The following ANO4 variants were observed in gnomAD, a reference collection of about 807,000 sequenced individuals.
ANO4 encodes the protein anoctamin 4, also known as anoctamin-4.
A neutral mutation model predicts 141.9 loss-of-function variants in ANO4; 69 were observed. That is an observed-to-expected ratio of 0.49 (90% CI 0.40 to 0.59). ANO4 has a LOEUF of 0.59. ANO4 is among the 20% of genes least tolerant of loss of function. The probability of loss-of-function intolerance (pLI) is 0.00; values close to 1 mark genes in which losing one functional copy is unlikely to be tolerated. For missense variants in ANO4, 894 were observed against 1,162.2 expected (o/e 0.77, Z 3.36); for synonymous variants, 350 against 394.3 (o/e 0.89, Z 1.33).
chr12:100,763,455 G>T (rs570485672), intron 3 of ANO4, among the ~76,000 whole-genome samples: 1 of 152,206 alleles, frequency 6.6e-6, no homozygotes, highest in Admixed American at 6.5e-5. Flanking sequence ...ACTCCAGAGG[G>T]TATTTGATAC....
chr12:100,961,281 G>T lies in ANO4; in HGVS notation c.457-10025G>T, dbSNP rs553051112. 5.3e-5 allele frequency among the ~76,000 whole-genome samples: 8 copies of T among 152,310 alleles called. No individual in the cohort carries two copies. In the South Asian group the frequency reaches 1.5e-3, roughly 28 times the overall value. ...CTTTTCATAATAGATCTAAGAAGGT[G>T]ATGGAAGAAGGTTGTCTATATCAGG... On this transcript the variant is annotated intron_variant, in intron 5 of 27. Transcript: ENST00000392977.
chr12:100,965,287 G>A (rs2136247214), intron 5 of ANO4, among the ~76,000 whole-genome samples: 1 of 151,876 alleles, frequency 6.6e-6, no homozygotes, highest in East Asian at 1.9e-4. Flanking sequence ...TATTTGTTCA[G>A]TCCCAAGTTC....
At chr12:100,718,619 C>A (rs973509036) in intron 1 of ANO4, among the ~76,000 whole-genome samples, 2 of 152,154 alleles carry the variant, frequency 1.3e-5, no homozygotes, top group African/African-American at 4.8e-5. Context: ...TTAAAATGAT[C>A]ATTTAGGTGG....
intron 22 of ANO4, among the ~76,000 whole-genome samples, chr12:101,102,075 C>T (rs1239637666): frequency 6.6e-6 from 1 of 151,894 alleles, no homozygotes; most frequent in Non-Finnish European, 1.5e-5. Context: ...GAGAGCAAAA[C>T]TCCGTCTCAA....
intron 1 of ANO4, chr12:100,842,369 T>C (rs2135815704): frequency 6.6e-6 from 1 of 151,918 alleles, no homozygotes; most frequent in African/African-American, 2.4e-5. Flanking sequence ...AGCCTGCTCT[T>C]TTATCTCCCC....
At chr12:101,014,118 A>T (rs879780875) in intron 8 of ANO4, among the ~76,000 whole-genome samples, 1 of 152,076 alleles carries the variant, frequency 6.6e-6, no homozygotes, top group Non-Finnish European at 1.5e-5. Context: ...TACAACGCCC[A>T]TGCCCATATA....
intron 3 of ANO4, among the ~76,000 whole-genome samples, chr12:100,767,732 A>G (rs544595977): frequency 2.6e-5 from 4 of 152,332 alleles, no homozygotes; most frequent in Non-Finnish European, 5.9e-5. Flanking sequence ...ATTTTGGACC[A>G]TATTAGACCA....
At chr12:100,793,080 A>G (rs1469635991), upstream of ANO4, among the ~76,000 whole-genome samples, 1 of 152,222 alleles carries the variant, frequency 6.6e-6, no homozygotes, top group East Asian at 1.9e-4. Context: ...TGTCTTGGCA[A>G]GAATCATAGT....
At chr12:101,036,007 TAGAA>T (rs1566157012) in intron 9 of ANO4, among the ~76,000 whole-genome samples, 1 of 109,820 alleles carries the variant, frequency 9.1e-6, no homozygotes, top group Non-Finnish European at 2.1e-5. Context: ...AAATAAAAGT[TAGAA>T]GGAAAAAAAT....
chr12:101,115,809 A>C (rs1346344795), intron 24 of ANO4, among the ~76,000 whole-genome samples: 2 of 152,206 alleles, frequency 1.3e-5, no homozygotes, highest in East Asian at 3.8e-4. Context: ...TCAATCTAGA[A>C]TGATCAATAG....
intron 8 of ANO4, among the ~76,000 whole-genome samples, chr12:100,999,654 C>T (rs771735912): frequency 5.9e-5 from 9 of 151,494 alleles, no homozygotes; most frequent in Non-Finnish European, 1.2e-4. Flanking sequence ...GGACAGAGGA[C>T]AGGAAAGTTT....
At chr12:100,901,986 C>A in intron 2 of ANO4, 146 bp downstream of exon 2, 1 of 768,266 alleles carries the variant, frequency 1.3e-6, no homozygotes, top group South Asian at 1.9e-5. Flanking sequence ...TTCTGCTCAC[C>A]TCAGTCAATG....
intron 1 of ANO4, among the ~76,000 whole-genome samples, chr12:100,899,528 G>C (rs1593685534): frequency 6.6e-6 from 1 of 152,354 alleles, no homozygotes; most frequent in South Asian, 2.1e-4. Context: ...CTGTTTCTTA[G>C]ATGAGTGCTG....
intron 7 of ANO4, among the ~76,000 whole-genome samples, chr12:100,982,792 C>T (rs1172899495): frequency 2.6e-5 from 4 of 152,292 alleles, no homozygotes; most frequent in African/African-American, 9.6e-5. Flanking sequence ...GGTTATCTAA[C>T]ATTGTATACT....
At chr12:100,766,755 C>T (rs2033101569) in intron 3 of ANO4, among the ~76,000 whole-genome samples, 1 of 152,058 alleles carries the variant, frequency 6.6e-6, no homozygotes, top group Admixed American at 6.6e-5. Flanking sequence ...TTCAAGTTTG[C>T]TCTTTTCTTA....
At chr12:101,088,572 G>A (rs1400357309) in intron 17 of ANO4, among the ~76,000 whole-genome samples, 2 of 151,950 alleles carry the variant, frequency 1.3e-5, no homozygotes, top group South Asian at 2.1e-4. Context: ...CTGGAACAGG[G>A]CCTGGCACAT....
At chr12:100,967,570 GACACACACACACACAC>G (rs3059289) in intron 5 of ANO4, among the ~76,000 whole-genome samples, 2 of 149,162 alleles carry the variant, frequency 1.3e-5, no homozygotes, top group South Asian at 2.1e-4. Context: ...ATGTAAAGAG[GACACACACACACACAC>G]ACACACACAC....
intron 5 of ANO4, among the ~76,000 whole-genome samples, chr12:100,967,445 C>T (rs2043721523): frequency 6.6e-6 from 1 of 152,032 alleles, no homozygotes; most frequent in Non-Finnish European, 1.5e-5. Flanking sequence ...ATTTATTTCT[C>T]AGGGCTGAAG....
chr12:100,846,784 T>C (rs919919429), intron 1 of ANO4, among the ~76,000 whole-genome samples: 3 of 152,186 alleles, frequency 2.0e-5, no homozygotes, highest in Non-Finnish European at 4.4e-5. Flanking sequence ...TTTCCTTCTT[T>C]GCCAACCCAT....
Sources: allele counts gnomAD v4.1 joint callset (sites outside exome capture counted in the v4.1 genomes callset), GRCh38; gene constraint gnomAD v4.1.1; transcripts MANE v1.5; gene names NCBI Gene and HGNC (gene_info 2026-07-23, HGNC 2026-07-21).